The following ARHGAP19 variants were observed in gnomAD, a reference collection of about 807,000 sequenced individuals.
The protein encoded by ARHGAP19 is Rho GTPase activating protein 19, also known as rho GTPase-activating protein 19.
In ARHGAP19, 48 loss-of-function variants were observed where a neutral mutation model predicts 60.9. The observed-to-expected ratio is 0.79, with a 90% CI of 0.62 to 1.00. ARHGAP19 has a LOEUF of 1.00. Among genes scored for constraint, ARHGAP19 ranks in the 50% least tolerant of loss-of-function variants. The pLI is 0.00. For synonymous variants in ARHGAP19, 209 were observed against 215.5 expected, an observed-to-expected ratio of 0.97 and a Z score of 0.27; for missense variants, 562 against 597.2, an observed-to-expected ratio of 0.94 and a Z score of 0.61.
chr10:97,259,223 A>C (rs374142217), intron 5 of ARHGAP19, among the ~76,000 whole-genome samples, 179 bp downstream of exon 5: 1 of 152,234 alleles, frequency 6.6e-6, no homozygotes, highest in Non-Finnish European at 1.5e-5. Flanking sequence ...AAGTGAGGTT[A>C]GCAGGAATTG....
intron 6 of ARHGAP19, among the ~76,000 whole-genome samples, chr10:97,254,655 C>T (rs1842730287): frequency 6.6e-6 from 1 of 152,142 alleles, no homozygotes; most frequent in African/African-American, 2.4e-5. Context: ...ACACCAAAGG[C>T]ACAGGCAACA....
rs562788377 is a variant in ARHGAP19, at chr10:97,224,700, C to T, written c.*1422G>A. 2.9e-4 allele frequency: 44 copies of T among 152,326 alleles called. No homozygotes were observed. Among genetic ancestry groups the T allele is most frequent in the South Asian group, 1.2e-3 (6 of 4,828 alleles). The allele number at this position is 152,326 out of a possible 1,614,324, so 9.4% of individuals were successfully genotyped here. ...ACTGCTTCCCCATAGTGGCCTGACT[C>T]GGCTCCAACCCACAGGGTGAGAAGG... On this transcript the variant is annotated 3_prime_UTR_variant, in exon 12 of 12. Transcript: ENST00000358531.
chr10:97,227,025 TG>T (rs1176763874), intron 11 of ARHGAP19, among the ~76,000 whole-genome samples: 1 of 152,158 alleles, frequency 6.6e-6, no homozygotes, highest in Non-Finnish European at 1.5e-5. Context: ...CCAGCATCGA[TG>T]GGGTAAAGGC....
chr10:97,272,189 G>A (rs1842968594), intron 1 of ARHGAP19, among the ~76,000 whole-genome samples: 1 of 126,686 alleles, frequency 7.9e-6, no homozygotes, highest in Non-Finnish European at 1.6e-5. Context: ...GAACTGGAGT[G>A]CAGTGGCACG....
chr10:97,266,389 A>G, intron 1 of ARHGAP19, among the ~76,000 whole-genome samples: 1 of 152,114 alleles, frequency 6.6e-6, no homozygotes, highest in East Asian at 1.9e-4. Flanking sequence ...AAATCCTTCA[A>G]TTCTGGATGC....
At chr10:97,227,331 G>C (rs1780374579) in intron 11 of ARHGAP19, among the ~76,000 whole-genome samples, 2 of 152,208 alleles carry the variant, frequency 1.3e-5, no homozygotes, top group African/African-American at 4.8e-5. Flanking sequence ...TCTGAAGAGA[G>C]TTCAGACCTG....
chr10:97,231,912 T>A (rs908586151), intron 9 of ARHGAP19, among the ~76,000 whole-genome samples: 1 of 151,634 alleles, frequency 6.6e-6, no homozygotes, highest in African/African-American at 2.4e-5. Flanking sequence ...CCATTTTACA[T>A]CCCTATCAAT....
chr10:97,265,554 G>C, intron 2 of ARHGAP19: 2 of 316,042 alleles, frequency 6.3e-6, no homozygotes, highest in Non-Finnish European at 1.2e-5. Flanking sequence ...ATGTAACTTT[G>C]GTTTTTAAAT....
In ARHGAP19 at chr10:97,232,871, G is replaced by A. The variant is rs1004805484; in HGVS notation, c.1284+2346C>T. On this transcript the variant is annotated intron_variant, in intron 9 of 11. Transcript: ENST00000358531. ...AATTCAAGACCAGCAACACAGGCTG[G>A]GCATGGTGGCTCACGCCTATAATCT... Among the ~76,000 whole-genome samples the A allele has an allele frequency of 3.9e-5, 6 of 152,012 alleles. No individual in the cohort carries two copies. The East Asian group carries it at 5.8e-4, about 15-fold the overall frequency.
At chr10:97,261,369 A>T (rs1409561317) in intron 4 of ARHGAP19, among the ~76,000 whole-genome samples, 1 of 152,234 alleles carries the variant, frequency 6.6e-6, no homozygotes. Context: ...ATGAAAGGCT[A>T]CAACTGTGCC....
At position 97,256,374 on chromosome 10, in the gene ARHGAP19, T is replaced by G. The variant is rs1253178599; in HGVS notation, c.871A>C (p.Thr291Pro). ...VTANDLQENI[T>P]KLNSGMAFMI... ...AAAGCCATCCCACTGTTTAACTTTG[T>G]GATATTCTCCTGAAGGTCATTTGCA... Residue 291 changes from threonine (T) to proline (P), a missense_variant, in exon 6 of 12, where the codon ACA (threonine) becomes CCA (proline). By Grantham distance (38) the Thr-to-Pro change is conservative. Transcript: ENST00000358531. 6.2e-7 allele frequency: 1 copy of G among 1,614,128 alleles called. No homozygotes were observed. The highest frequency in any genetic ancestry group is 1.7e-5 in the Admixed American group (1 of 60,002).
intron 2 of ARHGAP19, chr10:97,265,618 T>C: frequency 2.0e-6 from 1 of 496,982 alleles, no homozygotes; most frequent in Non-Finnish European, 3.5e-6. Flanking sequence ...GATGACTACC[T>C]AAGTTAATCA....
chr10:97,273,099 CA>C (rs1378488228), intron 1 of ARHGAP19, among the ~76,000 whole-genome samples: 2 of 152,152 alleles, frequency 1.3e-5, no homozygotes, highest in Non-Finnish European at 2.9e-5. Context: ...CTCGGCCTCC[CA>C]AAGTGCTGGG....
rs147228392 is a variant in ARHGAP19, at chr10:97,270,063, G to A, written c.57-3938C>T. Among the ~76,000 whole-genome samples, 201 of 152,074 alleles carry A rather than the reference G, an allele frequency of 1.3e-3. 1 individual carries two copies. Among genetic ancestry groups the A allele is most frequent in the African/African-American group, 4.7e-3 (194 of 41,482 alleles). ...GCACAAACAGGTAGAAGAATAAACA[G>A]GTTCAAGACTGCTCCTACTACTTAT... On this transcript the variant is annotated intron_variant, in intron 1 of 11. Coordinates refer to ENST00000358531, the MANE Select transcript of ARHGAP19 (RefSeq NM_032900.6).
At chr10:97,274,179 C>G (rs1362720362) in intron 1 of ARHGAP19, among the ~76,000 whole-genome samples, 1 of 151,804 alleles carries the variant, frequency 6.6e-6, no homozygotes, top group Non-Finnish European at 1.5e-5. Flanking sequence ...TGAAAGAGTT[C>G]CTGAGGCCGG....
intron 1 of ARHGAP19, among the ~76,000 whole-genome samples, chr10:97,285,662 T>C (rs1015114642): frequency 1.3e-5 from 2 of 151,830 alleles, no homozygotes; most frequent in South Asian, 2.1e-4. Context: ...GCTGGGATTA[T>C]AGGCAACCGC....
At chr10:97,230,275 C>A (rs144400023) in intron 9 of ARHGAP19, among the ~76,000 whole-genome samples, 1 of 152,290 alleles carries the variant, frequency 6.6e-6, no homozygotes, top group East Asian at 1.9e-4. Flanking sequence ...AAAGTCCCTC[C>A]CCCCTACTTA....
Position 97,259,260 on chromosome 10 carries a change from A to G in ARHGAP19, c.840+142T>C, listed in dbSNP as rs1302317326. 1.2e-5 allele frequency: 8 copies of G among 675,990 alleles called. No homozygotes were observed. In the East Asian group the frequency reaches 1.9e-4, roughly 16 times the overall value. The allele number at this position is 675,990 out of a possible 1,614,324, so 41.9% of individuals were successfully genotyped here. A position where few individuals can be genotyped will look rare whatever the true frequency, so the allele number is the denominator to read the frequency against. ...CCCTCTCAGGTCTGATGACTCTTCA[A>G]TGAACTAATAAAGTAAGTTCCCAAC... On this transcript the variant is annotated intron_variant, in intron 5 of 11. Transcript: ENST00000358531.
At chr10:97,288,172 A>C (rs1425032134) in intron 1 of ARHGAP19, among the ~76,000 whole-genome samples, 6 of 152,226 alleles carry the variant, frequency 3.9e-5, no homozygotes, top group Admixed American at 6.5e-5. Flanking sequence ...GCAGTTCTAA[A>C]TGATCACATA....
Sources: gnomAD v4.1 joint callset for allele counts (sites outside exome capture counted in the v4.1 genomes callset) on GRCh38, gnomAD v4.1.1 for gene constraint, MANE v1.5 for transcripts, NCBI Gene and HGNC (gene_info 2026-07-23, HGNC 2026-07-21) for gene names.